The following ATF2 variants were observed in gnomAD, a reference collection of about 807,000 sequenced individuals.
The protein encoded by ATF2 is activating transcription factor 2.
ATF2 carries 24 observed loss-of-function variants against 60.6 expected under a neutral mutation model. That is an observed-to-expected ratio of 0.40 (90% CI 0.29 to 0.56). ATF2 has a LOEUF of 0.56. ATF2 is among the 20% of genes least tolerant of loss of function. The pLI is 0.54. For missense variants in ATF2, 433 were observed against 607.7 expected (o/e 0.71, Z 3.02); for synonymous variants, 206 against 215.4 (o/e 0.96, Z 0.38).
chr2:175,152,514 T>C (rs187927449), intron 1 of ATF2, among the ~76,000 whole-genome samples: 173 of 152,234 alleles, frequency 1.1e-3, no homozygotes, highest in African/African-American at 4.0e-3. Context: ...AAAGGCACAA[T>C]ATTCAAAGAG....
chr2:175,141,012 A>ATAT (rs1698475156), intron 2 of ATF2, among the ~76,000 whole-genome samples: 2 of 104,968 alleles, frequency 1.9e-5, no homozygotes, highest in South Asian at 6.0e-4. Context: ...AAAAAAAAAA[A>ATAT]AAAAAAAAAA....
intron 4 of ATF2, among the ~76,000 whole-genome samples, chr2:175,128,390 C>T (rs534875876): frequency 6.6e-6 from 1 of 152,018 alleles, no homozygotes; most frequent in East Asian, 1.9e-4. Context: ...ATCCAAGCTA[C>T]TTGGGAGGCT....
intron 1 of ATF2, among the ~76,000 whole-genome samples, chr2:175,158,038 G>A (rs1047859975): frequency 6.6e-6 from 1 of 151,596 alleles, no homozygotes; most frequent in East Asian, 1.9e-4. Flanking sequence ...GCACAGCCAA[G>A]GTGAACTGAA....
chr2:175,123,766 C>T (rs1697128912), intron 4 of ATF2, among the ~76,000 whole-genome samples: 1 of 151,920 alleles, frequency 6.6e-6, no homozygotes, highest in African/African-American at 2.4e-5. Context: ...ATGCAATTTA[C>T]AAAGGGATTA....
At chr2:175,083,820 C>A (rs1153689) in intron 12 of ATF2, among the ~76,000 whole-genome samples, 39,667 of 151,800 alleles carry the variant, frequency 0.26, 6,154 homozygotes, top group African/African-American at 0.44. Context: ...GAACCCCATC[C>A]AAAACTGGGC....
At chr2:175,148,728 A>G (rs1353218860) in intron 2 of ATF2, among the ~76,000 whole-genome samples, 1 of 152,154 alleles carries the variant, frequency 6.6e-6, no homozygotes. Flanking sequence ...CTTATTCTCT[A>G]CAACCTCTTA....
intron 4 of ATF2, among the ~76,000 whole-genome samples, chr2:175,129,850 C>T (rs910750428): frequency 2.8e-4 from 43 of 152,016 alleles, no homozygotes; most frequent in Admixed American, 6.6e-5. Context: ...CAACCAATAA[C>T]AGTCAAATTA....
intron 10 of ATF2, among the ~76,000 whole-genome samples, chr2:175,099,510 C>T (rs1247005390): frequency 6.6e-6 from 1 of 152,154 alleles, no homozygotes; most frequent in East Asian, 1.9e-4. Context: ...GTCATACTCT[C>T]CTTCTACTCC....
At chr2:175,092,726 A>T (rs541554447) in intron 12 of ATF2, 2 of 361,904 alleles carry the variant, frequency 5.5e-6, no homozygotes, top group Non-Finnish European at 1.0e-5. Context: ...CCAAAAAAAT[A>T]GACAAGAAAA....
intron 2 of ATF2, among the ~76,000 whole-genome samples, chr2:175,142,177 TTTTC>T (rs1423353314): frequency 4.1e-5 from 6 of 148,046 alleles, no homozygotes; most frequent in Admixed American, 1.3e-4. Flanking sequence ...CTCTTTCCAG[TTTTC>T]TTTTCTTTTT....
chr2:175,126,638 C>T (rs1244237432), intron 4 of ATF2, among the ~76,000 whole-genome samples: 1 of 152,086 alleles, frequency 6.6e-6, no homozygotes, highest in Non-Finnish European at 1.5e-5. Flanking sequence ...AGTTTTTCTT[C>T]TGTTTAATTG....
In ATF2 at chr2:175,107,833, T is replaced by C. The variant is rs571003126; in HGVS notation, c.828+3735A>G. On this transcript the variant is annotated intron_variant, in intron 10 of 13. Transcript: ENST00000264110. Reference sequence around the variant, plus strand: ...ATCTGCCAGCCTCGGCCCCCCGAGGTGCCAGGATTGCAGACGGAGTCTCGT... The same window carrying C: ...ATCTGCCAGCCTCGGCCCCCCGAGGCGCCAGGATTGCAGACGGAGTCTCGT... Among the ~76,000 whole-genome samples, 73 of 152,270 alleles carry C rather than the reference T, an allele frequency of 4.8e-4. 2 individuals are homozygous for C. In the South Asian group the frequency reaches 0.015, roughly 31 times the overall value.
rs150242866 is a variant in ATF2, at chr2:175,100,584, G to A, written c.829-2991C>T. Among the ~76,000 whole-genome samples, 780 of 152,282 alleles carry A rather than the reference G, an allele frequency of 5.1e-3. 13 individuals are homozygous for A. Among genetic ancestry groups the A allele is most frequent in the Admixed American group, 0.041 (623 of 15,302 alleles). Reference sequence around the variant, plus strand: ...GCTAACATTCAAATATCTGCTAGCCGTAATAAAGAAATCAATGTACTTTAT... The same window carrying A: ...GCTAACATTCAAATATCTGCTAGCCATAATAAAGAAATCAATGTACTTTAT... On this transcript the variant is annotated intron_variant, in intron 10 of 13. Transcript: ENST00000264110.
intron 4 of ATF2, among the ~76,000 whole-genome samples, chr2:175,129,052 A>G (rs1054679930): frequency 3.9e-5 from 6 of 152,326 alleles, no homozygotes; most frequent in African/African-American, 1.4e-4. Flanking sequence ...GTACACAAGT[A>G]TTCACATCAG....
chr2:175,097,730 C>T lies in ATF2; in HGVS notation c.829-137G>A, dbSNP rs1695029882. 7.9e-6 allele frequency: 7 copies of T among 888,580 alleles called. No individual in the cohort carries two copies. In the Admixed American group the frequency reaches 1.9e-4, roughly 24 times the overall value. The allele number at this position is 888,580 out of a possible 1,614,324, so 55.0% of individuals were successfully genotyped here. ...TACTACTAGAGGATTCTGTATTTTGCTGTTCCTAGTGAATTTTGAGAAAAT... is the reference window on the plus strand; with the variant it reads ...TACTACTAGAGGATTCTGTATTTTGTTGTTCCTAGTGAATTTTGAGAAAAT... On this transcript the variant is annotated intron_variant, in intron 10 of 13. Transcript: ENST00000264110.
intron 3 of ATF2, chr2:175,132,732 G>A (rs892725922): frequency 6.6e-6 from 1 of 152,066 alleles, no homozygotes; most frequent in East Asian, 1.9e-4. Context: ...TCTCTTCTGG[G>A]TGGTTTTAAG....
intron 1 of ATF2, among the ~76,000 whole-genome samples, chr2:175,160,211 T>G (rs1699930555): frequency 1.3e-5 from 2 of 152,080 alleles, no homozygotes; most frequent in African/African-American, 2.4e-5. Flanking sequence ...ATAGTGAGAC[T>G]CCATCTCTAC....
intron 1 of ATF2, among the ~76,000 whole-genome samples, chr2:175,151,576 A>G (rs186847487): frequency 1.4e-3 from 208 of 152,282 alleles, no homozygotes; most frequent in Non-Finnish European, 2.4e-4. Context: ...ATTGCTGCAC[A>G]ATAAAACCCA....
intron 3 of ATF2, among the ~76,000 whole-genome samples, chr2:175,133,705 A>G (rs1574449080): frequency 6.6e-6 from 1 of 152,198 alleles, no homozygotes; most frequent in Admixed American, 6.5e-5. Context: ...GTCACAGTAG[A>G]TCATAGACCT....
Sources: gnomAD v4.1 joint callset for allele counts (sites outside exome capture counted in the v4.1 genomes callset) on GRCh38, gnomAD v4.1.1 for gene constraint, MANE v1.5 for transcripts, NCBI Gene and HGNC (gene_info 2026-07-23, HGNC 2026-07-21) for gene names.